Variants in ZNF618 observed in about 807,000 individuals in gnomAD.
ZNF618 encodes the protein neural precursor cell expressed, developmentally down-regulated 10.
ZNF618 carries 34 observed loss-of-function variants against 103.0 expected under a neutral mutation model. The ratio of observed to expected loss-of-function variants is 0.33; its 90% CI spans 0.25 to 0.44. The LOEUF is 0.44. ZNF618 is among the 20% of genes least tolerant of loss of function. The pLI, the probability that ZNF618 is intolerant of heterozygous loss-of-function variation, is 1.00. For synonymous variants in ZNF618, 551 were observed against 542.2 expected, an observed-to-expected ratio of 1.02 and a Z score of -0.23; for missense variants, 1,059 against 1,295.4, an observed-to-expected ratio of 0.82 and a Z score of 2.80.
intron 11 of ZNF618, among the ~76,000 whole-genome samples, chr9:114,030,239 G>C (rs765639494): frequency 8.6e-4 from 131 of 152,206 alleles, no homozygotes; most frequent in Non-Finnish European, 1.3e-3. Flanking sequence ...TCTCCCAAAA[G>C]GAGAGTAGTC....
In ZNF618 at chr9:114,048,637, G is replaced by C; in HGVS notation, c.1349-14G>C. The C allele has an allele frequency of 6.2e-7, 1 of 1,600,108 alleles. No homozygotes were observed. Among genetic ancestry groups the C allele is most frequent in the Non-Finnish European group, 8.5e-7 (1 of 1,171,094 alleles). On this transcript the variant is annotated splice_polypyrimidine_tract_variant and intron_variant, in intron 14 of 14. Transcript: ENST00000374126. ...GCCAGAATTAATCCCATCTGTCTTTGTGTCCTCTGCCAGCCACTACCAGTG... is the reference window on the plus strand; with the variant it reads ...GCCAGAATTAATCCCATCTGTCTTTCTGTCCTCTGCCAGCCACTACCAGTG...
At chr9:114,036,758 G>A (rs536716293) in intron 13 of ZNF618, among the ~76,000 whole-genome samples, 47 of 152,338 alleles carry the variant, frequency 3.1e-4, no homozygotes, top group African/African-American at 1.0e-3. Flanking sequence ...AGAAGGTGGG[G>A]ATGGAGAGAC....
At chr9:113,951,458 T>TACATATATATGTATATATGTAC (rs1564207159) in intron 1 of ZNF618, among the ~76,000 whole-genome samples, 1 of 54,660 alleles carries the variant, frequency 1.8e-5, no homozygotes, top group Non-Finnish European at 4.0e-5. Context: ...TGTGTATATA[T>TACATATATATGTATATATGTAC]ACATATATGT....
At chr9:114,002,551 C>G in intron 5 of ZNF618, 73 bp from the exon 6 acceptor site, 1 of 1,403,888 alleles carries the variant, frequency 7.1e-7, no homozygotes, top group East Asian at 2.3e-5. Context: ...TCCATGTTCT[C>G]TTTTGCACTT....
chr9:113,910,075 G>A (rs1367306046), intron 1 of ZNF618, among the ~76,000 whole-genome samples: 2 of 152,034 alleles, frequency 1.3e-5, no homozygotes, highest in African/African-American at 2.4e-5. Context: ...GAGCCAGTGC[G>A]GCCAGCCTAG....
intron 1 of ZNF618, among the ~76,000 whole-genome samples, chr9:113,891,324 A>G (rs1450896490): frequency 6.6e-6 from 1 of 152,252 alleles, no homozygotes; most frequent in Non-Finnish European, 1.5e-5. Flanking sequence ...ACTCCATTAA[A>G]AAATGGGCGA....
intron 1 of ZNF618, among the ~76,000 whole-genome samples, chr9:113,912,761 G>A (rs1205459856): frequency 6.6e-6 from 1 of 152,074 alleles, no homozygotes; most frequent in African/African-American, 2.4e-5. Context: ...GCCCTGTCTG[G>A]TGCTGCCACT....
At chr9:113,947,418 T>G (rs1174810049) in intron 1 of ZNF618, among the ~76,000 whole-genome samples, 2 of 152,174 alleles carry the variant, frequency 1.3e-5, no homozygotes, top group African/African-American at 4.8e-5. Context: ...TGGGAATAAT[T>G]ATAATGTACT....
chr9:113,931,904 G>A (rs1833621872), intron 1 of ZNF618, among the ~76,000 whole-genome samples: 1 of 152,114 alleles, frequency 6.6e-6, no homozygotes, highest in Non-Finnish European at 1.5e-5. Flanking sequence ...GGACAATGCT[G>A]TTCTCTACTC....
intron 11 of ZNF618, among the ~76,000 whole-genome samples, chr9:114,031,219 G>A (rs1843999626): frequency 6.6e-6 from 1 of 152,170 alleles, no homozygotes; most frequent in African/African-American, 2.4e-5. Context: ...GGTGCTCAGC[G>A]AATGAGAGCC....
rs1846017922 is a variant in ZNF618 at position 114,050,076 on chromosome 9, T to C, written c.2774T>C (p.Met925Thr). The C allele has an allele frequency of 4.3e-6, 7 of 1,613,154 alleles. No homozygotes were observed. Among genetic ancestry groups the C allele is most frequent in the Non-Finnish European group, 5.9e-6 (7 of 1,179,828 alleles). Residue 925 changes from methionine to threonine, a missense_variant, in exon 15 of 15, where the codon ATG becomes ACG. This residue lies in a region of ZNF618 where 156 missense variants were observed against 197.1 expected (regional missense o/e 0.79). Transcript: ENST00000374126. Reference protein sequence around the residue: ...AVGARSGCVNMCEQALLIKRR... With the variant: ...AVGARSGCVNTCEQALLIKRR... ...GGCGCCAGAAGCGGGTGTGTAAATA[T>C]GTGTGAACAAGCGCTTCTAATCAAA...
intron 1 of ZNF618, among the ~76,000 whole-genome samples, chr9:113,909,359 G>A (rs565675078): frequency 6.6e-6 from 1 of 152,218 alleles, no homozygotes; most frequent in East Asian, 1.9e-4. Flanking sequence ...TATCGTGACT[G>A]GGACTTTGAC....
chr9:113,978,444 G>T (rs192816873), intron 2 of ZNF618, among the ~76,000 whole-genome samples: 1 of 152,210 alleles, frequency 6.6e-6, no homozygotes, highest in Non-Finnish European at 1.5e-5. Flanking sequence ...GGTGGCAAGC[G>T]CAGAGCCCAG....
intron 1 of ZNF618, among the ~76,000 whole-genome samples, chr9:113,933,470 A>C (rs1833778252): frequency 6.6e-6 from 1 of 152,212 alleles, no homozygotes; most frequent in African/African-American, 2.4e-5. Context: ...AGAGTGCATT[A>C]GATCTGGTGG....
intron 6 of ZNF618, 80 bp downstream of exon 6, chr9:114,002,742 C>T (rs2133682738): frequency 1.3e-6 from 2 of 1,503,258 alleles, no homozygotes; most frequent in East Asian, 2.3e-5. Flanking sequence ...TGTCCCCTCC[C>T]CCAGAACTGC....
At chr9:114,011,163 G>A (rs1003808365) in intron 9 of ZNF618, among the ~76,000 whole-genome samples, 1 of 152,220 alleles carries the variant, frequency 6.6e-6, no homozygotes, top group Non-Finnish European at 1.5e-5. Context: ...TTTCTAATCT[G>A]TCTAATCCAT....
intron 1 of ZNF618, among the ~76,000 whole-genome samples, chr9:113,947,620 T>C (rs1588121655): frequency 6.6e-6 from 1 of 152,124 alleles, no homozygotes; most frequent in Non-Finnish European, 1.5e-5. Flanking sequence ...GAGAGTTCTG[T>C]CCTGCGTTTT....
intron 12 of ZNF618, among the ~76,000 whole-genome samples, chr9:114,033,555 C>T (rs1041600125): frequency 3.9e-5 from 6 of 152,136 alleles, no homozygotes; most frequent in South Asian, 2.1e-4. Flanking sequence ...CGCCCCCTGA[C>T]GCCTGCCTCT....
At chr9:113,964,772 T>G (rs1410462240) in intron 1 of ZNF618, among the ~76,000 whole-genome samples, 2 of 148,068 alleles carry the variant, frequency 1.4e-5, no homozygotes, top group African/African-American at 2.5e-5. Flanking sequence ...TTTTTTTTTT[T>G]GGTTGCTGCT....
Sources: gnomAD v4.1 joint callset for allele counts (sites outside exome capture counted in the v4.1 genomes callset) on GRCh38, gnomAD v4.1.1 for gene constraint, gnomAD v4.1.1 regional missense constraint, MANE v1.5 for transcripts, NCBI Gene and HGNC (gene_info 2026-07-23, HGNC 2026-07-21) for gene names.